The following TAF4B variants were observed in gnomAD, a reference collection of about 807,000 sequenced individuals.
The protein encoded by TAF4B is transcription initiation factor TFIID subunit 4B.
In TAF4B, 38 loss-of-function variants were observed where a neutral mutation model predicts 86.4. The observed-to-expected ratio is 0.44, with a 90% CI of 0.34 to 0.58. The LOEUF is 0.58. TAF4B is among the 20% of genes least tolerant of loss of function. The pLI, the probability that TAF4B is intolerant of heterozygous loss-of-function variation, is 0.02. For missense variants in TAF4B, 988 were observed against 1,027.6 expected (o/e 0.96, Z 0.53); for synonymous variants, 388 against 391.2 (o/e 0.99, Z 0.10).
chr18:26,273,659 T>A (rs970833409), intron 3 of TAF4B, among the ~76,000 whole-genome samples: 1 of 152,182 alleles, frequency 6.6e-6, no homozygotes, highest in Admixed American at 6.5e-5. Context: ...CCTTCCAAAG[T>A]GCTGGTATTG....
intron 3 of TAF4B, among the ~76,000 whole-genome samples, chr18:26,268,558 G>A (rs1216797307): frequency 2.0e-5 from 3 of 152,144 alleles, no homozygotes; most frequent in Non-Finnish European, 4.4e-5. Context: ...TGAGGTCAGG[G>A]TTGCTACGGC....
chr18:26,367,249 A>C (rs2057378200), intron 14 of TAF4B, among the ~76,000 whole-genome samples: 1 of 152,220 alleles, frequency 6.6e-6, no homozygotes, highest in African/African-American at 2.4e-5. Flanking sequence ...TGCTGTCTGC[A>C]ACCTGGAGAC....
intron 14 of TAF4B, among the ~76,000 whole-genome samples, chr18:26,368,090 A>G (rs1199194278): frequency 6.6e-6 from 1 of 152,170 alleles, no homozygotes; most frequent in Non-Finnish European, 1.5e-5. Flanking sequence ...CCTCTAAAAT[A>G]CCCTATGTGA....
intron 12 of TAF4B, among the ~76,000 whole-genome samples, chr18:26,334,096 A>G (rs1441099853): frequency 6.6e-6 from 1 of 152,134 alleles, no homozygotes; most frequent in Non-Finnish European, 1.5e-5. Flanking sequence ...CTAGAGTAAC[A>G]AAAGAGTTTA....
At chr18:26,351,202 C>A (rs1055215692) in intron 13 of TAF4B, among the ~76,000 whole-genome samples, 1 of 152,042 alleles carries the variant, frequency 6.6e-6, no homozygotes, top group Admixed American at 6.6e-5. Flanking sequence ...AGAATGAAAT[C>A]TTGTCATTTA....
intron 11 of TAF4B, among the ~76,000 whole-genome samples, chr18:26,321,717 A>G (rs545795081): frequency 6.6e-6 from 1 of 152,096 alleles, no homozygotes; most frequent in South Asian, 2.1e-4. Flanking sequence ...AAATCTACCC[A>G]TTTTCTCCCC....
rs2055805410 is a variant in TAF4B at position 26,239,676 on chromosome 18, G to A, written c.343+12400G>A. Among the ~76,000 whole-genome samples the A allele has an allele frequency of 5.3e-5, 8 of 152,314 alleles. 1 individual carries two copies. In the South Asian group the frequency reaches 1.7e-3, roughly 32 times the overall value. On this transcript the variant is annotated intron_variant, in intron 1 of 14. Coordinates refer to ENST00000269142, the MANE Select transcript of TAF4B (RefSeq NM_005640.3). ...AAGTCCTTGCCCATGCCTATGTCCT[G>A]AATGGTATTGCCTAGGTTTTCTTCT...
intron 13 of TAF4B, among the ~76,000 whole-genome samples, chr18:26,342,264 C>G (rs1255677043): frequency 6.6e-6 from 1 of 152,022 alleles, no homozygotes; most frequent in African/African-American, 2.4e-5. Context: ...TGATTATTTT[C>G]ATTGCTACTA....
In TAF4B at chr18:26,226,968, C is replaced by T. The variant is rs955631057; in HGVS notation, c.35C>T (p.Ala12Val). 41 of 1,385,334 alleles carry T rather than the reference C, an allele frequency of 3.0e-5. No individual in the cohort carries two copies. The highest frequency in any genetic ancestry group is 3.7e-5 in the Non-Finnish European group (40 of 1,080,336). 85.8% of individuals were successfully genotyped at this position (1,385,334 alleles called of 1,614,324 possible). The stretch of plus-strand genomic sequence containing the variant: ...GGCCTCACCGAACCCGCCGGCGCCG[C>T]TCCCCCGGCTGCTGTGAGCGCCTCG... The part of the protein sequence containing the change: ...PAGLTEPAGA[A>V]PPAAVSASGT... Residue 12 changes from alanine to valine, a missense_variant, in exon 1 of 15, where the codon GCT (alanine) becomes GTT (valine). Ala to Val is a moderately conservative substitution (Grantham distance 64, BLOSUM62 0). Coordinates refer to ENST00000269142, the MANE Select transcript of TAF4B (RefSeq NM_005640.3).
chr18:26,320,989 G>A, intron 10 of TAF4B, 81 bp from the exon 11 acceptor site: 5 of 1,546,930 alleles, frequency 3.2e-6, no homozygotes, highest in East Asian at 2.3e-5. Flanking sequence ...ACTTCCAGGG[G>A]GAACAGAATA....
At chr18:26,373,468 A>G (rs2057420347) in intron 14 of TAF4B, among the ~76,000 whole-genome samples, 1 of 152,158 alleles carries the variant, frequency 6.6e-6, no homozygotes, top group African/African-American at 2.4e-5. Flanking sequence ...TAAATTTAAA[A>G]TGTTTATATT....
chr18:26,345,707 G>T (rs2057171421), intron 13 of TAF4B, among the ~76,000 whole-genome samples: 1 of 152,132 alleles, frequency 6.6e-6, no homozygotes, highest in African/African-American at 2.4e-5. Context: ...CCATAAAATT[G>T]GAAGAGGCGA....
intron 9 of TAF4B, among the ~76,000 whole-genome samples, chr18:26,304,035 C>T (rs1264301969): frequency 6.6e-6 from 1 of 151,652 alleles, no homozygotes; most frequent in African/African-American, 2.4e-5. Flanking sequence ...TTTTCTTTTA[C>T]TAGCATAGAG....
Position 26,282,027 on chromosome 18 carries a change from T to G in TAF4B, c.939T>G (p.Ser313=). ...FTRKLYVELK[S]SPQPHLVPFL... ...GGAAACTGTATGTTGAACTCAAGTC[T>G]TCACCTCAGCCTCACCTGGTTCCTT... is the stretch of plus-strand genomic sequence containing the variant. The change falls in exon 6 of 15, where the codon TCT becomes TCG. Residue 313 remains serine, a synonymous_variant. Transcript: ENST00000269142. 1 of 1,613,522 alleles carries G rather than the reference T, an allele frequency of 6.2e-7. No individual in the cohort carries two copies.
chr18:26,276,085 G>A (rs1351386168), intron 5 of TAF4B, among the ~76,000 whole-genome samples: 2 of 151,204 alleles, frequency 1.3e-5, no homozygotes, highest in African/African-American at 4.9e-5. Context: ...GCTATCAATA[G>A]ATAATGAAAT....
In TAF4B at chr18:26,274,536, T is replaced by A. The variant is rs2056359354; in HGVS notation, c.598-127T>A. The A allele has an allele frequency of 3.0e-6, 3 of 1,002,360 alleles. No individual in the cohort carries two copies. In the East Asian group the frequency reaches 7.7e-5, roughly 26 times the overall value. The allele number at this position is 1,002,360 out of a possible 1,614,324, so 62.1% of individuals were successfully genotyped here. A position where few individuals can be genotyped will look rare whatever the true frequency, so the allele number is the denominator to read the frequency against. On this transcript the variant is annotated intron_variant, in intron 3 of 14. Transcript: ENST00000269142. ...GTTCCTAGAACTGTATTATATTGCC[T>A]TAGACTACTAGAGCATAACATAAAA... is the stretch of plus-strand genomic sequence containing the variant.
chr18:26,350,827 C>A (rs1432169318), intron 13 of TAF4B, among the ~76,000 whole-genome samples: 1 of 152,132 alleles, frequency 6.6e-6, no homozygotes, highest in African/African-American at 2.4e-5. Context: ...AACTAGATAT[C>A]ATTCGACCCC....
chr18:26,375,146 A>G (rs1676983), intron 14 of TAF4B, among the ~76,000 whole-genome samples: 54,144 of 152,054 alleles, frequency 0.36, 11,739 homozygotes, highest in East Asian at 0.81. Context: ...TATTCTAGGC[A>G]TTCATACAAA....
At chr18:26,273,394 GATATGTACACATATGTA>G (rs1394237933) in intron 3 of TAF4B, among the ~76,000 whole-genome samples, 6 of 151,982 alleles carry the variant, frequency 3.9e-5, no homozygotes, top group South Asian at 2.1e-4. Flanking sequence ...GACTACATGT[GATATGTACACATATGTA>G]ATATGTACAC....
Sources: allele counts gnomAD v4.1 joint callset (sites outside exome capture counted in the v4.1 genomes callset), GRCh38; gene constraint gnomAD v4.1.1; transcripts MANE v1.5; gene names NCBI Gene and HGNC (gene_info 2026-07-23, HGNC 2026-07-21).